The following EPHB1 variants were observed in gnomAD, a reference collection of about 807,000 sequenced individuals.
The protein encoded by EPHB1 is EPH receptor B1.
Under a neutral mutation model 94.4 loss-of-function variants are expected in EPHB1, and 30 were observed. That is an observed-to-expected ratio of 0.32 (90% CI 0.24 to 0.43). The LOEUF (loss-of-function observed/expected upper bound fraction) is 0.43, where lower values mean the gene tolerates loss of function less well. Among genes scored for constraint, EPHB1 ranks in the 20% least tolerant of loss-of-function variants. EPHB1 has a pLI of 1.00. For missense variants in EPHB1, 1,055 were observed against 1,308.3 expected (o/e 0.81, Z 2.99); for synonymous variants, 522 against 489.1 (o/e 1.07, Z -0.89).
intron 3 of EPHB1, among the ~76,000 whole-genome samples, chr3:134,967,772 A>G (rs1434028648): frequency 6.6e-6 from 1 of 152,180 alleles, no homozygotes; most frequent in Non-Finnish European, 1.5e-5. Context: ...ACTAAGACAA[A>G]AGGATGATAA....
In EPHB1 at chr3:134,962,642, C is replaced by T. The variant is rs1456663553; in HGVS notation, c.805+10590C>T. Among the ~76,000 whole-genome samples the T allele has an allele frequency of 6.6e-5, 10 of 152,106 alleles. No individual in the cohort carries two copies. In the East Asian group the frequency reaches 1.2e-3, roughly 18 times the overall value. On this transcript the variant is annotated intron_variant, in intron 3 of 15. Coordinates refer to ENST00000398015, the MANE Select transcript of EPHB1 (RefSeq NM_004441.5). Reference sequence around the variant, plus strand: ...CCTGTGTCAGGGCTTCCTGCCCTGCCGCATGCATCTCTCAGCTCTCACCCT... The same window carrying T: ...CCTGTGTCAGGGCTTCCTGCCCTGCTGCATGCATCTCTCAGCTCTCACCCT...
chr3:134,992,589 G>T (rs555617294), intron 3 of EPHB1, among the ~76,000 whole-genome samples: 2 of 152,320 alleles, frequency 1.3e-5, no homozygotes, highest in South Asian at 4.1e-4. Flanking sequence ...ACAGCGGAAG[G>T]GTCTTTCCTA....
At chr3:134,909,122 C>G (rs566719418) in intron 1 of EPHB1, among the ~76,000 whole-genome samples, 2,260 of 87,090 alleles carry the variant, frequency 0.026, 4 homozygotes, top group Admixed American at 0.036. Context: ...GGGCGGGGGG[C>G]GGGCTGGAAG....
intron 3 of EPHB1, among the ~76,000 whole-genome samples, chr3:135,070,111 A>G (rs896296938): frequency 5.9e-5 from 9 of 152,208 alleles, no homozygotes; most frequent in South Asian, 2.1e-4. Context: ...AAATGAAACC[A>G]CCATCATGGA....
At chr3:134,906,961 T>C (rs2038345055) in intron 1 of EPHB1, among the ~76,000 whole-genome samples, 1 of 152,242 alleles carries the variant, frequency 6.6e-6, no homozygotes, top group African/African-American at 2.4e-5. Flanking sequence ...TAAGATAAGA[T>C]AATGCCTGTG....
At chr3:135,162,968 T>C (rs1485028847) in intron 7 of EPHB1, among the ~76,000 whole-genome samples, 1 of 152,240 alleles carries the variant, frequency 6.6e-6, no homozygotes, top group African/African-American at 2.4e-5. Flanking sequence ...CCTATATATC[T>C]ATATTTATTA....
Position 134,905,410 on chromosome 3 carries a change from G to A in EPHB1, c.59-20406G>A, listed in dbSNP as rs545764599. Among the ~76,000 whole-genome samples the A allele has an allele frequency of 5.9e-5, 9 of 152,288 alleles. No individual in the cohort carries two copies. The South Asian group carries it at 1.7e-3, about 28-fold the overall frequency. On this transcript the variant is annotated intron_variant, in intron 1 of 15. Transcript: ENST00000398015. ...CCACACATTTCTCTTGTCACTTTCC[G>A]CATGTCAGGCATTTCTCTTGTCATT...
rs767559840 is a variant in EPHB1, at chr3:135,132,781, C to A, written c.1029C>A (p.His343Gln). 3 of 1,613,328 alleles carry A rather than the reference C, an allele frequency of 1.9e-6. No homozygotes were observed. The highest frequency in any genetic ancestry group is 8.5e-7 in the Non-Finnish European group (1 of 1,179,356). ...VNETSIILEW[H>Q]PPRETGGRDD... ...AGACGTCCATCATTCTGGAGTGGCACCCTCCAAGGGAGACAGGTGGGCGGG... is the reference window on the plus strand; with the variant it reads ...AGACGTCCATCATTCTGGAGTGGCAACCTCCAAGGGAGACAGGTGGGCGGG... The change falls in exon 5 of 16, where the codon CAC becomes CAA. Residue 343 changes from histidine (H) to glutamine (Q), a missense_variant. Physicochemically the swap from His to Gln is conservative, Grantham distance 24. Coordinates refer to ENST00000398015, the MANE Select transcript of EPHB1 (RefSeq NM_004441.5).
chr3:135,141,434 A>C (rs1940823682), intron 5 of EPHB1, among the ~76,000 whole-genome samples: 1 of 152,138 alleles, frequency 6.6e-6, no homozygotes, highest in Admixed American at 6.5e-5. Context: ...CCTGCCCCTC[A>C]GCAATGTGTC....
chr3:135,051,782 G>T (rs1937176509), intron 3 of EPHB1, among the ~76,000 whole-genome samples: 1 of 152,170 alleles, frequency 6.6e-6, no homozygotes, highest in Admixed American at 6.5e-5. Context: ...AAGTTAAACG[G>T]CAGAGAAGGC....
intron 3 of EPHB1, among the ~76,000 whole-genome samples, chr3:135,079,428 G>A (rs969563672): frequency 1.3e-5 from 2 of 152,124 alleles, no homozygotes; most frequent in African/African-American, 4.8e-5. Context: ...CAATTTAAAT[G>A]GAGCCCATGC....
At chr3:135,183,624 C>T (rs867571554) in intron 10 of EPHB1, among the ~76,000 whole-genome samples, 3 of 152,106 alleles carry the variant, frequency 2.0e-5, no homozygotes, top group African/African-American at 4.8e-5. Context: ...GATGAGGGCC[C>T]GGAGAATGTG....
chr3:135,248,604 T>A (rs1378914815), intron 14 of EPHB1, 95 bp downstream of exon 14: 15 of 1,316,424 alleles, frequency 1.1e-5, no homozygotes, highest in Non-Finnish European at 1.5e-5. Flanking sequence ...TCGAATTTTT[T>A]AAAGAGTATC....
chr3:134,844,954 CA>C (rs1408223283), intron 1 of EPHB1, among the ~76,000 whole-genome samples: 1 of 152,168 alleles, frequency 6.6e-6, no homozygotes, highest in African/African-American at 2.4e-5. Context: ...CCCTACTTAC[CA>C]AAGAGTTCCA....
intron 13 of EPHB1, among the ~76,000 whole-genome samples, chr3:135,245,990 G>C (rs1367913831): frequency 3.3e-5 from 5 of 152,228 alleles, no homozygotes; most frequent in Non-Finnish European, 7.4e-5. Context: ...TCACATCATG[G>C]AGCTGCGCTC....
At position 134,987,253 on chromosome 3, in the gene EPHB1, A is replaced by G. The variant is rs571621536; in HGVS notation, c.805+35201A>G. ...GTGCGTTAATTTATCTAATCATCAC[A>G]GCTGTCATGGACTGAATTACGTCCC... is the stretch of plus-strand genomic sequence containing the variant. On this transcript the variant is annotated intron_variant, in intron 3 of 15. Coordinates refer to ENST00000398015, the MANE Select transcript of EPHB1 (RefSeq NM_004441.5). 2.0e-5 allele frequency among the ~76,000 whole-genome samples: 3 copies of G among 152,336 alleles called. No individual in the cohort carries two copies. In the East Asian group the frequency reaches 5.8e-4, roughly 29 times the overall value.
intron 6 of EPHB1, among the ~76,000 whole-genome samples, chr3:135,157,504 C>G (rs1353669754): frequency 6.6e-6 from 1 of 152,216 alleles, no homozygotes; most frequent in Non-Finnish European, 1.5e-5. Context: ...GTAATTTGTA[C>G]TAATTATTAA....
intron 1 of EPHB1, among the ~76,000 whole-genome samples, chr3:134,852,266 G>A (rs533097995): frequency 7.9e-5 from 12 of 151,696 alleles, no homozygotes; most frequent in South Asian, 2.1e-4. Flanking sequence ...GCCACAGCAT[G>A]CCCTGCCACT....
chr3:135,006,598 G>A (rs1467446210), intron 3 of EPHB1, among the ~76,000 whole-genome samples: 1 of 152,244 alleles, frequency 6.6e-6, no homozygotes, highest in Admixed American at 6.5e-5. Context: ...GGGAGGCTGA[G>A]AGAGGAAGAT....
Sources: allele counts gnomAD v4.1 joint callset (sites outside exome capture counted in the v4.1 genomes callset), GRCh38; gene constraint gnomAD v4.1.1; transcripts MANE v1.5; gene names NCBI Gene and HGNC (gene_info 2026-07-23, HGNC 2026-07-21).